Variants in ABR observed in about 807,000 individuals in gnomAD.
The protein encoded by ABR is ABR activator of RhoGEF and GTPase.
Under a neutral mutation model 107.2 loss-of-function variants are expected in ABR, and 35 were observed. The ratio of observed to expected loss-of-function variants is 0.33; its 90% confidence interval spans 0.25 to 0.43. The LOEUF (loss-of-function observed/expected upper bound fraction) is 0.43, where lower values mean the gene tolerates loss of function less well. ABR is among the 20% of genes least tolerant of loss of function. The pLI is 1.00. For missense variants in ABR, 815 were observed against 1,115.2 expected (o/e 0.73, Z 3.83); for synonymous variants, 498 against 462.0 (o/e 1.08, Z -1.00).
chr17:1,156,554 C>T (rs1219998006), intron 1 of ABR, among the ~76,000 whole-genome samples: 2 of 152,096 alleles, frequency 1.3e-5, no homozygotes, highest in Admixed American at 6.6e-5. Context: ...CGTGGTGGCG[C>T]ACACCTACAA....
At chr17:1,223,775 A>G (rs9747738) in intron 1 of ABR, among the ~76,000 whole-genome samples, 81,606 of 151,942 alleles carry the variant, frequency 0.54, 22,493 homozygotes, top group Middle Eastern at 0.61. Context: ...GCAGGAGAGC[A>G]AGCAAGCCTG....
At position 1,179,397 on chromosome 17, in the gene ABR, C is replaced by A. The variant is rs1225585583; in HGVS notation, c.61+270G>T. ...GCTCTCGGCTCGGTCCGCCCACGGT[C>A]CCCGCCCCCGGACCGCAGGAATCCT... On this transcript the variant is annotated intron_variant, in intron 1 of 22. Coordinates refer to ENST00000302538, the MANE Select transcript of ABR (RefSeq NM_021962.5). This position sits in a 1 kb window ranked among gnomAD's most constrained non-coding sequence, Gnocchi z 4.9. Among the ~76,000 whole-genome samples, 2 of 152,060 alleles carry A rather than the reference C, an allele frequency of 1.3e-5. No homozygotes were observed. Among genetic ancestry groups the A allele is most frequent in the Admixed American group, 1.3e-4 (2 of 15,282 alleles).
Position 1,011,762 on chromosome 17 carries a change from C to G in ABR, c.2101+84G>C. ...GCAAGCCTCCTCTCCAGGGAGGCTC[C>G]TGGTTCCCCCGAGCTCTCCTGTCCA... On this transcript the variant is annotated intron_variant, in intron 19 of 22. Transcript: ENST00000302538. The surrounding 1 kb of genome is among the most constrained non-coding windows in gnomAD (Gnocchi z 4.8). 1 of 1,473,702 alleles carries G rather than the reference C, an allele frequency of 6.8e-7. No individual in the cohort carries two copies. Among genetic ancestry groups the G allele is most frequent in the Non-Finnish European group, 9.0e-7 (1 of 1,108,748 alleles). The allele number at this position is 1,473,702 out of a possible 1,614,324, so 91.3% of individuals were successfully genotyped here.
In ABR at chr17:1,072,713, C is replaced by T. The variant is rs558900216; in HGVS notation, c.795G>A (p.Pro265=). 5.6e-6 allele frequency: 9 copies of T among 1,613,694 alleles called. No individual in the cohort carries two copies. The highest frequency in any genetic ancestry group is 1.7e-4 in the Middle Eastern group (1 of 6,002). The change falls in exon 8 of 23, where the codon CCG becomes CCA. Residue 265 remains proline (P), a synonymous_variant. Coordinates refer to ENST00000302538, the MANE Select transcript of ABR (RefSeq NM_021962.5). ...AGATGCGGAGGGCATCCTGCAGCAG[C>T]GGGTAGTCGGGGTGGTCCACAGGTG... ...KHTPVDHPDY[P]LLQDALRISQ...
rs1433711764 is a variant in ABR, at chr17:1,037,708, T to A, written c.1791+12342A>T. On this transcript the variant is annotated intron_variant, in intron 16 of 22. Coordinates refer to ENST00000302538, the MANE Select transcript of ABR (RefSeq NM_021962.5). The surrounding 1 kb of genome is among the most constrained non-coding windows in gnomAD (Gnocchi z 4.6). ...GTGGCCGGGTCTCCCAGCACAGCCA[T>A]AAATTGCAGCCTGAGGCAGGAGGGG... Among the ~76,000 whole-genome samples the A allele has an allele frequency of 6.6e-6, 1 of 152,074 alleles. No individual in the cohort carries two copies. The highest frequency in any genetic ancestry group is 1.5e-5 in the Non-Finnish European group (1 of 68,010).
At chr17:1,208,383 A>G (rs1001057265) in intron 1 of ABR, among the ~76,000 whole-genome samples, 1 of 152,198 alleles carries the variant, frequency 6.6e-6, no homozygotes. Flanking sequence ...CTCTCCAGGA[A>G]CAGCAGCAGC....
At chr17:1,209,651 C>A (rs867464281) in intron 1 of ABR, among the ~76,000 whole-genome samples, 1 of 152,018 alleles carries the variant, frequency 6.6e-6, no homozygotes, top group African/African-American at 2.4e-5. Flanking sequence ...ATCAGACATA[C>A]AATGCCTTAC....
In ABR at chr17:1,015,617, C is replaced by T. The variant is rs142901168; in HGVS notation, c.1792-2453G>A. On this transcript the variant is annotated intron_variant, in intron 16 of 22. Coordinates refer to ENST00000302538, the MANE Select transcript of ABR (RefSeq NM_021962.5). ...AATTACAGACACACACAACCACACC[C>T]GGCTAATTTTTTGTATTTTTAGTAG... Among the ~76,000 whole-genome samples the T allele has an allele frequency of 2.7e-4, 41 of 151,834 alleles. No individual in the cohort carries two copies. The East Asian group carries it at 7.1e-3, about 26-fold the overall frequency.
chr17:1,068,610 TG>T (rs2151161323), intron 9 of ABR, among the ~76,000 whole-genome samples: 1 of 152,268 alleles, frequency 6.6e-6, no homozygotes, highest in African/African-American at 2.4e-5. Flanking sequence ...GAAGAATGTG[TG>T]AATGAACGCA....
At chr17:1,048,891 G>A (rs145907790) in intron 16 of ABR, among the ~76,000 whole-genome samples, 212 of 152,294 alleles carry the variant, frequency 1.4e-3, no homozygotes, top group African/African-American at 4.8e-3. Flanking sequence ...ACCTCAGTAC[G>A]GGTCAGTTAC....
At chr17:1,205,809 G>T (rs919678256) in intron 1 of ABR, among the ~76,000 whole-genome samples, 1 of 152,194 alleles carries the variant, frequency 6.6e-6, no homozygotes, top group Non-Finnish European at 1.5e-5. Flanking sequence ...TGGATGTGGT[G>T]GTGCATGCCT....
rs1038237882 is a variant in ABR at position 1,013,938 on chromosome 17, C to G, written c.1792-774G>C. Among the ~76,000 whole-genome samples, 8 of 152,254 alleles carry G rather than the reference C, an allele frequency of 5.3e-5. No individual in the cohort carries two copies. In the East Asian group the frequency reaches 1.2e-3, roughly 22 times the overall value. ...CCTTCGCGCCCGTCTGCCTGTGCAC[C>G]TGCGAACTAATTCTGAGCAACTGTG... On this transcript the variant is annotated intron_variant, in intron 16 of 22. Coordinates refer to ENST00000302538, the MANE Select transcript of ABR (RefSeq NM_021962.5).
At chr17:1,149,548 G>A (rs991353064) in intron 1 of ABR, among the ~76,000 whole-genome samples, 1 of 151,812 alleles carries the variant, frequency 6.6e-6, no homozygotes, top group African/African-American at 2.4e-5. Flanking sequence ...CTCCCGAGTA[G>A]GTGGGATTAC....
intron 22 of ABR, among the ~76,000 whole-genome samples, chr17:1,006,518 C>G (rs1454336473): frequency 6.6e-6 from 1 of 152,222 alleles, no homozygotes; most frequent in African/African-American, 2.4e-5. Context: ...TCTCCCCACC[C>G]CTGGGCTTGC....
chr17:1,108,926 G>A lies in ABR; in HGVS notation c.247-8191C>T, dbSNP rs201685936. ...CCCCCCAGCGCCCAGGGCGTGTCAC[G>A]CTCCCACCTTCACAGCCACCAGGAA... On this transcript the variant is annotated intron_variant, in intron 2 of 22. Transcript: ENST00000302538. 129 of 1,586,542 alleles carry A rather than the reference G, an allele frequency of 8.1e-5. 1 individual carries two copies. In the East Asian group the frequency reaches 3.0e-3, roughly 37 times the overall value.
intron 1 of ABR, chr17:1,228,438 G>A (rs2043263391): frequency 6.6e-6 from 1 of 152,576 alleles, no homozygotes; most frequent in Admixed American, 6.5e-5. Flanking sequence ...GTGACAGACA[G>A]AAGGGTGACA....
Position 1,083,541 on chromosome 17 carries a change from G to C in ABR, c.618C>G (p.Asn206Lys), listed in dbSNP as rs1286932500. The C allele has an allele frequency of 6.2e-7, 1 of 1,610,622 alleles. No homozygotes were observed. The highest frequency in any genetic ancestry group is 1.1e-5 in the South Asian group (1 of 90,870). The change falls in exon 5 of 23, where the codon AAC becomes AAG. Residue 206 changes from asparagine (N) to lysine (K), a missense_variant. By Grantham distance (94) the Asn-to-Lys change is moderately conservative. Transcript: ENST00000302538. Reference protein sequence around the residue: ...ETAEKCSQSNNQFQKISEELK... With the variant: ...ETAEKCSQSNKQFQKISEELK... ...CTACCTCTGAGATCTTCTGGAACTG[G>C]TTGTTGGACTGGCTGCACTTCTCAG...
At chr17:1,043,346 C>A (rs964732504) in intron 16 of ABR, among the ~76,000 whole-genome samples, 26 of 151,676 alleles carry the variant, frequency 1.7e-4, no homozygotes, top group Admixed American at 9.9e-4. Flanking sequence ...TTTTTTTAAT[C>A]TTTGTAGAGA....
chr17:1,177,986 A>G (rs1256268179), intron 1 of ABR: 4 of 152,468 alleles, frequency 2.6e-5, no homozygotes, highest in Middle Eastern at 6.8e-3. Flanking sequence ...CACAGGACCT[A>G]TGCCCAGGGG....
Sources: allele counts gnomAD v4.1 joint callset (sites outside exome capture counted in the v4.1 genomes callset), GRCh38; gene constraint gnomAD v4.1.1; non-coding constraint Gnocchi (gnomAD v3.1); transcripts MANE v1.5; gene names NCBI Gene and HGNC (gene_info 2026-07-23, HGNC 2026-07-21).